Variants in TMPO observed in about 807,000 individuals in gnomAD.
The protein encoded by TMPO is LEM domain containing 4.
A neutral mutation model predicts 45.4 loss-of-function variants in TMPO; 22 were observed. The ratio of observed to expected loss-of-function variants is 0.48; its 90% CI spans 0.35 to 0.69. The LOEUF is 0.69. TMPO is among the 30% of genes least tolerant of loss of function. The probability of loss-of-function intolerance (pLI) is 0.01; values close to 1 mark genes in which losing one functional copy is unlikely to be tolerated. For missense variants in TMPO, 512 were observed against 548.8 expected (o/e 0.93, Z 0.67); for synonymous variants, 241 against 204.1 (o/e 1.18, Z -1.54).
chr12:98,519,612 G>T (rs768675452), intron 1 of TMPO, among the ~76,000 whole-genome samples: 1 of 152,090 alleles, frequency 6.6e-6, no homozygotes, highest in Non-Finnish European at 1.5e-5. Flanking sequence ...ATAATTACAG[G>T]TTTAAATGTC....
In TMPO at chr12:98,544,187, T is replaced by G. The variant is rs772855466; in HGVS notation, c.664-43T>G. On this transcript the variant is annotated intron_variant, in intron 4 of 8. Transcript: ENST00000556029. Reference sequence around the variant, plus strand: ...CCAGTATGGCCGTTATTAAAGTATTTGATGTTAGAATATGACTTTTTAATG... The same window carrying G: ...CCAGTATGGCCGTTATTAAAGTATTGGATGTTAGAATATGACTTTTTAATG... The G allele has an allele frequency of 8.7e-6, 14 of 1,609,674 alleles. No homozygotes were observed. The South Asian group carries it at 1.5e-4, about 18-fold the overall frequency.
Position 98,515,897 on chromosome 12 carries a change from C to T in TMPO, c.30C>T (p.Val10=), listed in dbSNP as rs1875747133. 1 of 1,613,756 alleles carries T rather than the reference C, an allele frequency of 6.2e-7. No homozygotes were observed. Among genetic ancestry groups the T allele is most frequent in the African/African-American group, 1.3e-5 (1 of 75,042 alleles). The change falls in exon 1 of 9, where the codon GTC becomes GTT. Residue 10 remains valine (V), a synonymous_variant. Coordinates refer to ENST00000556029, the MANE Select transcript of TMPO (RefSeq NM_001032283.3). ...CGGAGTTCCTGGAAGACCCCTCGGT[C>T]CTGACAAAAGACAAGTTGAAGAGTG... is the stretch of plus-strand genomic sequence containing the variant. The part of the protein sequence containing the change: MPEFLEDPS[V]LTKDKLKSEL...
intron 1 of TMPO, among the ~76,000 whole-genome samples, chr12:98,517,538 A>G (rs1468523436): frequency 1.3e-5 from 2 of 152,196 alleles, no homozygotes; most frequent in African/African-American, 2.4e-5. Context: ...TTTTTAAGGA[A>G]CCTGTCTAAT....
chr12:98,540,967 A>G (rs1293488675), intron 4 of TMPO, among the ~76,000 whole-genome samples: 1 of 152,180 alleles, frequency 6.6e-6, no homozygotes, highest in Non-Finnish European at 1.5e-5. Flanking sequence ...AGCCATTGTC[A>G]TATGATTATT....
intron 4 of TMPO, among the ~76,000 whole-genome samples, chr12:98,541,942 C>T (rs777417345): frequency 1.3e-5 from 2 of 152,164 alleles, no homozygotes; most frequent in African/African-American, 2.4e-5. Context: ...CACTCCATAT[C>T]GGAACGTAGC....
At chr12:98,523,213 T>C (rs1181193521) in intron 1 of TMPO, among the ~76,000 whole-genome samples, 1 of 152,186 alleles carries the variant, frequency 6.6e-6, no homozygotes, top group African/African-American at 2.4e-5. Context: ...ATCTGAGATT[T>C]ATAAAATGAC....
rs907799331 is a variant in TMPO at position 98,538,107 on chromosome 12, A to G, written c.663+535A>G. ...TTTCAAAAGGGAAATGTAGGAAACTAAGGAGAAAATAAGCATAGGTATAAA... is the reference window on the plus strand; with the variant it reads ...TTTCAAAAGGGAAATGTAGGAAACTGAGGAGAAAATAAGCATAGGTATAAA... On this transcript the variant is annotated intron_variant, in intron 4 of 8. Coordinates refer to ENST00000556029, the MANE Select transcript of TMPO (RefSeq NM_001032283.3). 7.9e-5 allele frequency among the ~76,000 whole-genome samples: 12 copies of G among 152,220 alleles called. 1 individual carries two copies. Among genetic ancestry groups the G allele is most frequent in the Admixed American group, 2.6e-4 (4 of 15,282 alleles).
Position 98,525,402 on chromosome 12 carries a change from C to T in TMPO, c.280-2484C>T, listed in dbSNP as rs368309907. Among the ~76,000 whole-genome samples, 20 of 152,210 alleles carry T rather than the reference C, an allele frequency of 1.3e-4. No homozygotes were observed. In the East Asian group the frequency reaches 3.5e-3, roughly 26 times the overall value. The stretch of plus-strand genomic sequence containing the variant: ...TGGCTTCTGATTATAGAATGATTAG[C>T]CATTAGCAGCTTTTTAAAAAGAATT... On this transcript the variant is annotated intron_variant, in intron 1 of 8. Coordinates refer to ENST00000556029, the MANE Select transcript of TMPO (RefSeq NM_001032283.3).
At chr12:98,543,785 T>C (rs187670775) in intron 4 of TMPO, among the ~76,000 whole-genome samples, 26 of 152,324 alleles carry the variant, frequency 1.7e-4, no homozygotes, top group South Asian at 4.1e-4. Flanking sequence ...CATATGAAAA[T>C]AATAATGTTT....
chr12:98,530,492 T>C (rs1292564964), intron 2 of TMPO, among the ~76,000 whole-genome samples: 3 of 127,528 alleles, frequency 2.4e-5, no homozygotes, highest in Non-Finnish European at 5.1e-5. Context: ...ATATCCATTA[T>C]CATTTTGCTC....
In TMPO at chr12:98,532,852, T is replaced by G; in HGVS notation, c.565+1014T>G. On this transcript the variant is annotated intron_variant, in intron 3 of 8. Transcript: ENST00000556029. ...GAAGAAAGAACACAAGAAAGTGAAGTCCACTAGGGATATTGTTCCTTTTTC... is the reference window on the plus strand; with the variant it reads ...GAAGAAAGAACACAAGAAAGTGAAGGCCACTAGGGATATTGTTCCTTTTTC... 1 of 1,614,180 alleles carries G rather than the reference T, an allele frequency of 6.2e-7. No individual in the cohort carries two copies. The highest frequency in any genetic ancestry group is 8.5e-7 in the Non-Finnish European group (1 of 1,180,016).
chr12:98,522,388 G>T (rs962360752), intron 1 of TMPO, among the ~76,000 whole-genome samples: 1 of 152,152 alleles, frequency 6.6e-6, no homozygotes, highest in African/African-American at 2.4e-5. Flanking sequence ...AATAGGAAAT[G>T]TTAATTAAAT....
chr12:98,547,654 A>G lies in TMPO; in HGVS notation c.1161A>G (p.Ser387=), dbSNP rs370301550. 1.2e-6 allele frequency: 2 copies of G among 1,614,160 alleles called. No homozygotes were observed. Among genetic ancestry groups the G allele is most frequent in the Non-Finnish European group, 1.7e-6 (2 of 1,180,034 alleles). The stretch of plus-strand genomic sequence containing the variant: ...ATTTCAGGATGGAGGAGTCTTTTTC[A>G]TCTAAATATGTTCCTAAGTATGTTC... ...LSDFRMEESF[S]SKYVPKYVPL... Residue 387 remains serine, a synonymous_variant, in exon 9 of 9, where the codon TCA becomes TCG. Transcript: ENST00000556029.
intron 4 of TMPO, among the ~76,000 whole-genome samples, chr12:98,543,266 A>G (rs1592954829): frequency 6.6e-6 from 1 of 152,240 alleles, no homozygotes; most frequent in East Asian, 1.9e-4. Flanking sequence ...ACACTCTACT[A>G]TAATACTGAT....
intron 7 of TMPO, 98 bp from the exon 8 acceptor site, chr12:98,546,261 G>A (rs1350617884): frequency 2.4e-6 from 2 of 819,706 alleles, no homozygotes; most frequent in South Asian, 1.4e-5. Context: ...TAGATTTAAA[G>A]GCATTTTGTT....
intron 3 of TMPO, chr12:98,534,574 A>G (rs1877454482): frequency 7.7e-6 from 10 of 1,305,640 alleles, no homozygotes; most frequent in South Asian, 1.6e-5. Context: ...TCTAGATCAC[A>G]TATTAGTCTC....
At position 98,516,118 on chromosome 12, in the gene TMPO, C is replaced by A; in HGVS notation, c.251C>A (p.Ala84Glu). Residue 84 changes from alanine to glutamate, a missense_variant, in exon 1 of 9, where the codon GCG becomes GAG. Ala to Glu is a moderately radical substitution (Grantham distance 107, BLOSUM62 -1). Coordinates refer to ENST00000556029, the MANE Select transcript of TMPO (RefSeq NM_001032283.3). ...TPVLGSGAAA[A>E]GRSRAAVGRK... is the part of the protein sequence containing the mutation. ...GTCCTCGGCTCTGGGGCCGCCGCCG[C>A]GGGCCGGAGCCGAGCAGCCGTCGGC... is the stretch of plus-strand genomic sequence containing the variant. 6.7e-7 allele frequency: 1 copy of A among 1,493,124 alleles called. No individual in the cohort carries two copies. Among genetic ancestry groups the A allele is most frequent in the Non-Finnish European group, 8.8e-7 (1 of 1,131,046 alleles). The allele number at this position is 1,493,124 out of a possible 1,614,324, so 92.5% of individuals were successfully genotyped here.
At position 98,533,345 on chromosome 12, in the gene TMPO, CTG is replaced by C. The variant is rs774334407; in HGVS notation, c.565+1508_565+1509del. 2.5e-5 allele frequency: 40 copies of C among 1,614,180 alleles called. No individual in the cohort carries two copies. The highest frequency in any genetic ancestry group is 3.4e-5 in the Non-Finnish European group (40 of 1,180,038). On this transcript the variant is annotated intron_variant, in intron 3 of 8. Transcript: ENST00000556029. ...AGTAAAAGGAAAGCACTAGAAGAGTCTGAGAGCTCACAACTAATTTCTCCGCC... is the reference window on the plus strand; with the variant it reads ...AGTAAAAGGAAAGCACTAGAAGAGTCAGAGCTCACAACTAATTTCTCCGCC...
intron 6 of TMPO, 72 bp from the exon 7 acceptor site, chr12:98,544,879 T>A: frequency 2.5e-6 from 3 of 1,212,332 alleles, no homozygotes; most frequent in Non-Finnish European, 3.7e-6. Context: ...AGATAAAATA[T>A]CTTTCTTTTC....
Sources: gnomAD v4.1 joint callset for allele counts (sites outside exome capture counted in the v4.1 genomes callset) on GRCh38, gnomAD v4.1.1 for gene constraint, MANE v1.5 for transcripts, NCBI Gene and HGNC (gene_info 2026-07-23, HGNC 2026-07-21) for gene names.